Variants in ENTPD5 observed in about 807,000 individuals in gnomAD.
ENTPD5 encodes ectonucleoside triphosphate diphosphohydrolase 5 (inactive), also known as nucleoside diphosphate phosphatase ENTPD5.
ENTPD5 carries 49 observed loss-of-function variants against 60.2 expected under a neutral mutation model. The observed-to-expected ratio is 0.81, with a 90% confidence interval of 0.65 to 1.03. The LOEUF (loss-of-function observed/expected upper bound fraction) is 1.03. Ranked by LOEUF, ENTPD5 falls within the 50% of genes least tolerant of loss-of-function variation. ENTPD5 has a pLI of 0.00. For synonymous variants in ENTPD5, 187 were observed against 185.4 expected, an observed-to-expected ratio of 1.01 and a Z score of -0.07; for missense variants, 480 against 507.6, an observed-to-expected ratio of 0.95 and a Z score of 0.52.
chr14:73,995,801 G>A (rs570216783), intron 3 of ENTPD5, among the ~76,000 whole-genome samples: 3 of 152,098 alleles, frequency 2.0e-5, no homozygotes, highest in African/African-American at 2.4e-5. Context: ...GTATGTATAC[G>A]TCAGTACATT....
At chr14:73,992,026 A>T (rs200469732) in intron 3 of ENTPD5, among the ~76,000 whole-genome samples, 24 of 150,964 alleles carry the variant, frequency 1.6e-4, no homozygotes, top group Non-Finnish European at 2.5e-4. Flanking sequence ...TATATATATA[A>T]AATATTTTCA....
downstream of ENTPD5, chr14:73,955,363 A>C (rs890700335): frequency 8.3e-6 from 8 of 962,706 alleles, no homozygotes; most frequent in Middle Eastern, 8.6e-4. Flanking sequence ...AACACTGAAA[A>C]CAACCTCTTA....
intron 15 of ENTPD5, 91 bp from the exon 16 acceptor site, chr14:73,967,105 T>C (rs969968937): frequency 4.6e-6 from 5 of 1,083,920 alleles, no homozygotes; most frequent in South Asian, 1.4e-5. Context: ...GCAAAGAATA[T>C]CCACATGGGC....
chr14:74,011,735 T>C (rs78092845), intron 2 of ENTPD5, among the ~76,000 whole-genome samples: 19,545 of 152,060 alleles, frequency 0.13, 1,912 homozygotes, highest in East Asian at 0.57. Context: ...GAAGTCGAGG[T>C]TGCAGTGAGC....
At chr14:73,978,713 C>A (rs1376193821) in intron 6 of ENTPD5, among the ~76,000 whole-genome samples, 1 of 151,926 alleles carries the variant, frequency 6.6e-6, no homozygotes, top group Non-Finnish European at 1.5e-5. Context: ...GAGTTTGAGA[C>A]CAGCCTGACC....
chr14:73,958,109 CCTTT>C, downstream of ENTPD5: 1 of 1,566,394 alleles, frequency 6.4e-7, no homozygotes, highest in East Asian at 2.2e-5. Context: ...ATGTGGCCCA[CCTTT>C]CTAATTTTTT....
chr14:73,961,765 A>C (rs750676801), downstream of ENTPD5: 38 of 1,614,044 alleles, frequency 2.4e-5, no homozygotes, highest in Non-Finnish European at 3.0e-5. Flanking sequence ...CAGGTTATGA[A>C]ACAGAAAGAC....
chr14:74,011,796 A>G (rs1057327582), intron 2 of ENTPD5, among the ~76,000 whole-genome samples: 6 of 152,098 alleles, frequency 3.9e-5, no homozygotes, highest in Non-Finnish European at 8.8e-5. Flanking sequence ...TATGTTCCAC[A>G]GTATGATCAA....
chr14:74,017,219 G>A (rs1240032589), intron 1 of ENTPD5, among the ~76,000 whole-genome samples: 1 of 152,172 alleles, frequency 6.6e-6, no homozygotes, highest in Non-Finnish European at 1.5e-5. Flanking sequence ...TCGGGAGGCT[G>A]AGGCAGGAGA....
At chr14:73,959,114 A>G (rs1292352129), downstream of ENTPD5, 3 of 1,614,060 alleles carry the variant, frequency 1.9e-6, no homozygotes, top group African/African-American at 1.3e-5. Context: ...GACTTTATTC[A>G]TAGGCACTAG....
Position 73,974,989 on chromosome 14 carries a change from TA to T in ENTPD5, c.723-5del. ...TTTCAATCCAAATCCCAGGTAACTG[TA>T]AAATACAGGATTGACTAATTTCATG... On this transcript the variant is annotated splice_polypyrimidine_tract_variant and splice_region_variant and intron_variant, in intron 10 of 15. Transcript: ENST00000334696. 1 of 1,609,516 alleles carries T rather than the reference TA, an allele frequency of 6.2e-7. No homozygotes were observed.
chr14:74,005,221 G>A (rs1201957570), intron 3 of ENTPD5, among the ~76,000 whole-genome samples: 3 of 134,644 alleles, frequency 2.2e-5, no homozygotes, highest in African/African-American at 5.6e-5. Flanking sequence ...AGCTGAGATC[G>A]CACCATTGCA....
At chr14:74,003,585 C>G in intron 3 of ENTPD5, 2 of 586,184 alleles carry the variant, frequency 3.4e-6, no homozygotes, top group Non-Finnish European at 6.3e-6. Context: ...TAGAGCTTGT[C>G]TCAATGGATC....
downstream of ENTPD5, chr14:73,956,354 G>C (rs2056439300): frequency 5.0e-6 from 1 of 201,770 alleles, no homozygotes; most frequent in Admixed American, 5.2e-5. Context: ...TTCCTCTGAT[G>C]ATTATTTCAC....
At chr14:74,009,844 T>G (rs1484594269) in intron 3 of ENTPD5, among the ~76,000 whole-genome samples, 2 of 151,804 alleles carry the variant, frequency 1.3e-5, no homozygotes, top group Non-Finnish European at 2.9e-5. Context: ...CTGGATGGAG[T>G]GCAGTGGCAT....
At chr14:74,009,996 T>C (rs2058798323) in intron 3 of ENTPD5, among the ~76,000 whole-genome samples, 1 of 152,070 alleles carries the variant, frequency 6.6e-6, no homozygotes. Context: ...TTCACCGTGT[T>C]AGCCAGGATG....
At chr14:73,955,339 G>A, downstream of ENTPD5, 1 of 802,552 alleles carries the variant, frequency 1.2e-6, no homozygotes, top group Non-Finnish European at 2.3e-6. Context: ...TAGAAGTGGA[G>A]AGTATTATTG....
chr14:73,988,200 A>G, intron 3 of ENTPD5, 28 bp from the exon 4 acceptor site: 2 of 1,471,354 alleles, frequency 1.4e-6, no homozygotes, highest in Admixed American at 2.6e-5. Flanking sequence ...CACAAGTTAG[A>G]CCAACTAGCT....
At chr14:73,990,511 T>C (rs78742875) in intron 3 of ENTPD5, among the ~76,000 whole-genome samples, 9,356 of 151,770 alleles carry the variant, frequency 0.062, 465 homozygotes, top group South Asian at 0.27. Context: ...TTTTTTTTAT[T>C]TTGGTAGAGA....
Sources: gnomAD v4.1 joint callset for allele counts (sites outside exome capture counted in the v4.1 genomes callset) on GRCh38, gnomAD v4.1.1 for gene constraint, MANE v1.5 for transcripts, NCBI Gene and HGNC (gene_info 2026-07-23, HGNC 2026-07-21) for gene names.